DOCK9: variants seen among roughly 807,000 people sequenced by gnomAD.
The protein encoded by DOCK9 is dedicator of cytokinesis protein 9.
A neutral mutation model predicts 263.3 loss-of-function variants in DOCK9; 89 were observed. The observed-to-expected ratio is 0.34, with a 90% confidence interval of 0.28 to 0.40. The LOEUF is 0.40. Among genes scored for constraint, DOCK9 ranks in the 10% least tolerant of loss-of-function variants. The pLI is 1.00. For synonymous variants in DOCK9, 976 were observed against 973.1 expected (o/e 1.00, Z -0.06); for missense variants, 2,140 against 2,603.4 (o/e 0.82, Z 3.87).
At chr13:98,923,943 G>T (rs906551698) in intron 4 of DOCK9, among the ~76,000 whole-genome samples, 3 of 152,156 alleles carry the variant, frequency 2.0e-5, no homozygotes, top group African/African-American at 7.2e-5. Flanking sequence ...GCAGAACACA[G>T]AATCTGTGTT....
At chr13:98,971,567 G>T (rs368848729) in intron 1 of DOCK9, among the ~76,000 whole-genome samples, 6 of 142,086 alleles carry the variant, frequency 4.2e-5, no homozygotes, top group Admixed American at 1.4e-4. Context: ...AACTAGCCGG[G>T]TGTTGTGGTG....
Position 98,956,884 on chromosome 13 carries a change from G to A in DOCK9, c.127-1333C>T, listed in dbSNP as rs144996338. ...TAAAATGACAATTTTTATATAAGAA[G>A]TATATTAAGGATATTTCGTATGTGG... On this transcript the variant is annotated intron_variant, in intron 1 of 52. Transcript: ENST00000682017. 5.6e-3 allele frequency among the ~76,000 whole-genome samples: 849 copies of A among 152,268 alleles called. 10 individuals are homozygous for A. The highest frequency in any genetic ancestry group is 0.019 in the African/African-American group (794 of 41,550).
chr13:98,840,719 T>A (rs1381824025), intron 38 of DOCK9, among the ~76,000 whole-genome samples: 2 of 152,102 alleles, frequency 1.3e-5, no homozygotes, highest in African/African-American at 2.4e-5. Context: ...CAGAGGACAT[T>A]TGGGATAGAA....
At chr13:98,923,239 G>A in intron 5 of DOCK9, 63 bp downstream of exon 5, 1 of 1,479,960 alleles carries the variant, frequency 6.8e-7, no homozygotes, top group Admixed American at 1.7e-5. Flanking sequence ...AATCTTCTAA[G>A]TCTGTAAAAT....
chr13:98,965,423 A>G (rs1372867937), intron 1 of DOCK9, among the ~76,000 whole-genome samples: 1 of 152,218 alleles, frequency 6.6e-6, no homozygotes, highest in Non-Finnish European at 1.5e-5. Flanking sequence ...AAGGTACTAC[A>G]GATTCAGTAA....
chr13:98,816,760 A>T (rs1354004057), intron 45 of DOCK9, among the ~76,000 whole-genome samples: 1 of 151,890 alleles, frequency 6.6e-6, no homozygotes, highest in African/African-American at 2.4e-5. Flanking sequence ...GAAGGAAAAG[A>T]GAGGAGACAG....
chr13:98,800,298 A>G lies in DOCK9; in HGVS notation c.5906T>C (p.Val1969Ala). 6.2e-7 allele frequency: 1 copy of G among 1,601,750 alleles called. No homozygotes were observed. Among genetic ancestry groups the G allele is most frequent in the Non-Finnish European group, 8.5e-7 (1 of 1,174,110 alleles). ...CTGTGCCTGGCTCACCTGAACACTC[A>G]CGCTGCCCTGGAGTTTGAGCTGCAG... ...IKLQLKLQGS[V>A]SVQVNAGPLA... The change falls in exon 50 of 53, where the codon GTG becomes GCG. Residue 1969 changes from valine (V) to alanine (A), a missense_variant. By Grantham distance (64) the Val-to-Ala change is moderately conservative (BLOSUM62 0). Around this residue, in one of 2 missense-constraint regions of DOCK9, gnomAD observed 619 missense variants for 861.8 expected, o/e 0.72. Transcript: ENST00000682017.
intron 20 of DOCK9, 100 bp from the exon 21 acceptor site, chr13:98,885,192 T>C: frequency 6.8e-7 from 1 of 1,477,608 alleles, no homozygotes; most frequent in Non-Finnish European, 9.1e-7. Flanking sequence ...TTAAGAACTT[T>C]TCCTATCAAT....
In DOCK9 at chr13:98,829,161, C is replaced by T; in HGVS notation, c.4965+146G>A. 2.8e-6 allele frequency: 2 copies of T among 706,930 alleles called. No homozygotes were observed. Among genetic ancestry groups the T allele is most frequent in the Non-Finnish European group, 4.6e-6 (2 of 434,154 alleles). The allele number at this position is 706,930 out of a possible 1,614,324, so 43.8% of individuals were successfully genotyped here. A position where few individuals can be genotyped will look rare whatever the true frequency, so the allele number is the denominator to read the frequency against. On this transcript the variant is annotated intron_variant, in intron 43 of 52. Transcript: ENST00000682017. The surrounding 1 kb of genome is among the most constrained non-coding windows in gnomAD (Gnocchi z 4.1). ...AATGCTCAGCTAACTATGAAGTCAC[C>T]CTAAGCTTCATACTGTTTAAAGTTT...
chr13:98,883,008 C>T lies in DOCK9; in HGVS notation c.2559+34G>A, dbSNP rs138091360. ...GAAAACCCAACCTACTCCAAACTCA[C>T]TTAAAAGGGGATACTAAGAAAGCCA... On this transcript the variant is annotated intron_variant, in intron 23 of 52. Coordinates refer to ENST00000682017, the MANE Select transcript of DOCK9 (RefSeq NM_001366683.2). 5,174 of 1,585,616 alleles carry T rather than the reference C, an allele frequency of 3.3e-3. 140 individuals are homozygous for T. In the South Asian group the frequency reaches 0.041, roughly 13 times the overall value.
chr13:99,042,979 C>T (rs1370417031), intron 1 of DOCK9, among the ~76,000 whole-genome samples: 4 of 152,238 alleles, frequency 2.6e-5, no homozygotes, highest in African/African-American at 7.2e-5. Flanking sequence ...CCCCAAGCAG[C>T]TATGGCCCTT....
intron 1 of DOCK9, among the ~76,000 whole-genome samples, chr13:99,046,655 T>C (rs2040449072): frequency 2.0e-5 from 3 of 152,234 alleles, no homozygotes; most frequent in Admixed American, 2.0e-4. Flanking sequence ...TGTTATCACA[T>C]ACTGTGTGTA....
At chr13:99,053,464 A>G (rs1314646982) in intron 1 of DOCK9, among the ~76,000 whole-genome samples, 1 of 152,226 alleles carries the variant, frequency 6.6e-6, no homozygotes, top group African/African-American at 2.4e-5. Flanking sequence ...TTAATTATTC[A>G]AATTCAATAT....
At chr13:98,819,189 G>A (rs141274163) in intron 45 of DOCK9, among the ~76,000 whole-genome samples, 101 of 152,258 alleles carry the variant, frequency 6.6e-4, no homozygotes, top group African/African-American at 2.3e-3. Context: ...CTGGGTTTGG[G>A]GGGTAAGGAT....
chr13:98,834,698 G>C (rs2092920573), intron 39 of DOCK9: 1 of 152,222 alleles, frequency 6.6e-6, no homozygotes, highest in Non-Finnish European at 1.5e-5. Context: ...TTTTCTGCAT[G>C]TGACAACCTG....
Position 98,950,259 on chromosome 13 carries a change from G to A in DOCK9, c.243+5176C>T, listed in dbSNP as rs61968860. On this transcript the variant is annotated intron_variant, in intron 2 of 52. Coordinates refer to ENST00000682017, the MANE Select transcript of DOCK9 (RefSeq NM_001366683.2). Reference sequence around the variant, plus strand: ...CTAGTTGTCTGAGATGCAGCTTGTCGTGTTTCTGCCACGAGGAATCATATA... The same window carrying A: ...CTAGTTGTCTGAGATGCAGCTTGTCATGTTTCTGCCACGAGGAATCATATA... 5.8e-3 allele frequency: 4,665 copies of A among 800,684 alleles called. 32 individuals carry two copies. Among genetic ancestry groups the A allele is most frequent in the Non-Finnish European group, 8.2e-3 (4,100 of 500,924 alleles). 49.6% of individuals were successfully genotyped at this position (800,684 alleles called of 1,614,324 possible).
At position 98,891,296 on chromosome 13, in the gene DOCK9, G is replaced by A. The variant is rs748961397; in HGVS notation, c.1710-2585C>T. Among the ~76,000 whole-genome samples the A allele has an allele frequency of 3.9e-5, 6 of 151,986 alleles. No homozygotes were observed. In the East Asian group the frequency reaches 5.8e-4, roughly 15 times the overall value. Reference sequence around the variant, plus strand: ...GAAGGTATCAATTTTCTTGACATACGGTGCCTTGCTCACCTCTTCAGTGGA... The same window carrying A: ...GAAGGTATCAATTTTCTTGACATACAGTGCCTTGCTCACCTCTTCAGTGGA... On this transcript the variant is annotated intron_variant, in intron 15 of 52. Coordinates refer to ENST00000682017, the MANE Select transcript of DOCK9 (RefSeq NM_001366683.2).
At chr13:98,949,891 G>C (rs568831285) in intron 2 of DOCK9, 23 of 480,764 alleles carry the variant, frequency 4.8e-5, no homozygotes, top group Non-Finnish European at 9.4e-5. Context: ...TCATGTATGA[G>C]GTCTCCCAGG....
chr13:98,823,864 G>A (rs572271279), intron 45 of DOCK9, among the ~76,000 whole-genome samples: 1 of 152,192 alleles, frequency 6.6e-6, no homozygotes, highest in Non-Finnish European at 1.5e-5. Flanking sequence ...TGTAGGGGGT[G>A]CGACAGGGTG....
Sources: allele counts gnomAD v4.1 joint callset (sites outside exome capture counted in the v4.1 genomes callset), GRCh38; gene constraint gnomAD v4.1.1; regional missense constraint gnomAD v4.1.1; non-coding constraint Gnocchi (gnomAD v3.1); transcripts MANE v1.5; gene names NCBI Gene and HGNC (gene_info 2026-07-23, HGNC 2026-07-21).